The following THSD7A variants were observed in gnomAD, a reference collection of about 807,000 sequenced individuals.
THSD7A encodes thrombospondin type 1 domain containing 7A, also known as thrombospondin type-1 domain-containing protein 7A.
In THSD7A, 96 loss-of-function variants were observed where a neutral mutation model predicts 231.3. That is an observed-to-expected ratio of 0.41 (90% CI 0.35 to 0.49). THSD7A has a LOEUF of 0.49. Ranked by LOEUF, THSD7A falls within the 20% of genes least tolerant of loss-of-function variation. THSD7A has a pLI of 0.05. For missense variants in THSD7A, 2,290 were observed against 2,070.2 expected (o/e 1.11, Z -2.06); for synonymous variants, 940 against 743.3 (o/e 1.26, Z -4.30).
intron 1 of THSD7A, chr7:11,820,592 G>T: frequency 1.4e-6 from 1 of 729,840 alleles, no homozygotes; most frequent in South Asian, 1.6e-5. Flanking sequence ...AGTTGCCTCT[G>T]TCCTGGCCTC....
intron 4 of THSD7A, among the ~76,000 whole-genome samples, chr7:11,549,215 T>A (rs776985959): frequency 2.0e-5 from 3 of 152,186 alleles, no homozygotes; most frequent in Non-Finnish European, 4.4e-5. Flanking sequence ...TCAGTCAGAA[T>A]GGCTATTACT....
At chr7:11,791,760 A>C (rs531692223) in intron 1 of THSD7A, among the ~76,000 whole-genome samples, 7 of 152,090 alleles carry the variant, frequency 4.6e-5, no homozygotes, top group Admixed American at 1.3e-4. Context: ...CCTACCTGCT[A>C]AAGTCACAGA....
intron 1 of THSD7A, among the ~76,000 whole-genome samples, chr7:11,776,498 G>T (rs1481390603): frequency 1.3e-5 from 2 of 152,118 alleles, no homozygotes; most frequent in Admixed American, 6.5e-5. Flanking sequence ...AATAGAGAGG[G>T]TGGTCCATTA....
In THSD7A at chr7:11,476,093, A is replaced by G. The variant is rs556948419; in HGVS notation, c.2018-1525T>C. Among the ~76,000 whole-genome samples, 134 of 152,122 alleles carry G rather than the reference A, an allele frequency of 8.8e-4. 1 individual carries two copies. Among genetic ancestry groups the G allele is most frequent in the African/African-American group, 3.0e-3 (126 of 41,528 alleles). ...ACAGGTTCAAAAAATTGGTAAAGCTAAAAGTCTAACATTAATTTTTAACTT... is the reference window on the plus strand; with the variant it reads ...ACAGGTTCAAAAAATTGGTAAAGCTGAAAGTCTAACATTAATTTTTAACTT... On this transcript the variant is annotated intron_variant, in intron 7 of 27. Transcript: ENST00000423059.
intron 2 of THSD7A, among the ~76,000 whole-genome samples, chr7:11,613,196 A>G (rs1780990855): frequency 6.6e-6 from 1 of 152,238 alleles, no homozygotes; most frequent in Non-Finnish European, 1.5e-5. Flanking sequence ...TATTACATTC[A>G]AAGTAAAAGA....
intron 1 of THSD7A, among the ~76,000 whole-genome samples, chr7:11,740,416 C>T: frequency 6.6e-6 from 1 of 151,914 alleles, no homozygotes; most frequent in East Asian, 1.9e-4. Flanking sequence ...TCCAATAGCT[C>T]CCTTACATCT....
chr7:11,483,276 A>C (rs1786504665), intron 6 of THSD7A, among the ~76,000 whole-genome samples: 1 of 152,182 alleles, frequency 6.6e-6, no homozygotes, highest in Non-Finnish European at 1.5e-5. Context: ...AAATGCTCTA[A>C]TATGTTAATA....
At chr7:11,734,505 C>T (rs1781841414) in intron 1 of THSD7A, among the ~76,000 whole-genome samples, 1 of 151,936 alleles carries the variant, frequency 6.6e-6, no homozygotes, top group South Asian at 2.1e-4. Flanking sequence ...AAATATCTGC[C>T]TTACGTTTTC....
intron 1 of THSD7A, among the ~76,000 whole-genome samples, chr7:11,779,365 A>G (rs967397490): frequency 6.6e-6 from 1 of 152,098 alleles, no homozygotes; most frequent in African/African-American, 2.4e-5. Flanking sequence ...ATTCCCAAAC[A>G]AGGTCTCTAA....
At chr7:11,443,275 C>T (rs1370962541) in intron 13 of THSD7A, among the ~76,000 whole-genome samples, 1 of 152,000 alleles carries the variant, frequency 6.6e-6, no homozygotes, top group Non-Finnish European at 1.5e-5. Flanking sequence ...CCAAAATAAA[C>T]ACATCTTTTA....
intron 1 of THSD7A, among the ~76,000 whole-genome samples, chr7:11,683,832 C>CA (rs529441826): frequency 1.5e-3 from 233 of 151,914 alleles, no homozygotes; most frequent in African/African-American, 4.4e-3. Context: ...GAAATGATTC[C>CA]AAAAAATTGA....
At chr7:11,508,944 G>C (rs1432605065) in intron 6 of THSD7A, among the ~76,000 whole-genome samples, 1 of 152,158 alleles carries the variant, frequency 6.6e-6, no homozygotes, top group Non-Finnish European at 1.5e-5. Context: ...CTGTAGGAGA[G>C]GGAAATGAAG....
At chr7:11,455,639 GA>G (rs1210644456) in intron 11 of THSD7A, among the ~76,000 whole-genome samples, 2 of 151,918 alleles carry the variant, frequency 1.3e-5, no homozygotes, top group Admixed American at 1.3e-4. Context: ...TAATAGATCA[GA>G]AAAACTTTTC....
At chr7:11,644,932 A>G (rs1381461192) in intron 1 of THSD7A, among the ~76,000 whole-genome samples, 4 of 151,924 alleles carry the variant, frequency 2.6e-5, no homozygotes, top group African/African-American at 9.7e-5. Context: ...TTCATGTGAC[A>G]GTATTTTAAA....
At chr7:11,485,448 T>C (rs755253770) in intron 6 of THSD7A, among the ~76,000 whole-genome samples, 2 of 152,238 alleles carry the variant, frequency 1.3e-5, no homozygotes, top group Non-Finnish European at 2.9e-5. Flanking sequence ...AGTTGCTGAA[T>C]GCCCATCTTC....
At chr7:11,557,372 T>C (rs925114175) in intron 4 of THSD7A, among the ~76,000 whole-genome samples, 4 of 152,148 alleles carry the variant, frequency 2.6e-5, no homozygotes, top group Non-Finnish European at 5.9e-5. Flanking sequence ...GTTTCAAACA[T>C]GCTCATAACT....
At chr7:11,385,050 T>A (rs1782674576) in intron 23 of THSD7A, 1 of 151,888 alleles carries the variant, frequency 6.6e-6, no homozygotes, top group Non-Finnish European at 1.5e-5. Flanking sequence ...ATTTATTTTT[T>A]ATAGTTTTAG....
At chr7:11,728,234 G>A (rs527882705) in intron 1 of THSD7A, among the ~76,000 whole-genome samples, 1 of 152,044 alleles carries the variant, frequency 6.6e-6, no homozygotes, top group African/African-American at 2.4e-5. Context: ...TGCAACAATT[G>A]ATAGTGGAAA....
intron 4 of THSD7A, among the ~76,000 whole-genome samples, chr7:11,551,475 T>C (rs951389413): frequency 6.6e-6 from 1 of 152,038 alleles, no homozygotes. Context: ...CCTGAATCTA[T>C]AAGGAACTTA....
Sources: allele counts gnomAD v4.1 joint callset (sites outside exome capture counted in the v4.1 genomes callset), GRCh38; gene constraint gnomAD v4.1.1; transcripts MANE v1.5; gene names NCBI Gene and HGNC (gene_info 2026-07-23, HGNC 2026-07-21).